SGCD: variants seen among roughly 807,000 people sequenced by gnomAD.
SGCD encodes sarcoglycan delta.
SGCD carries 18 observed loss-of-function variants against 36.6 expected under a neutral mutation model. The ratio of observed to expected loss-of-function variants is 0.49; its 90% CI spans 0.34 to 0.73. The LOEUF (loss-of-function observed/expected upper bound fraction) is 0.73. SGCD is among the 30% of genes least tolerant of loss of function. The pLI, the probability that SGCD is intolerant of heterozygous loss-of-function variation, is 0.01. For missense variants in SGCD, 387 were observed against 346.7 expected (o/e 1.12, Z -0.92); for synonymous variants, 133 against 130.6 (o/e 1.02, Z -0.12).
rs543341175 is a variant in SGCD at position 156,351,292 on chromosome 5, G to A, written c.192+6615G>A. On this transcript the variant is annotated intron_variant, in intron 3 of 8. Transcript: ENST00000337851. Reference sequence around the variant, plus strand: ...GACCCAGTGAGTTAATTCATGTGAAGCATTATTAGCAGAATCTGACACATA... The same window carrying A: ...GACCCAGTGAGTTAATTCATGTGAAACATTATTAGCAGAATCTGACACATA... Among the ~76,000 whole-genome samples the A allele has an allele frequency of 2.9e-4, 44 of 152,224 alleles. No homozygotes were observed. In the South Asian group the frequency reaches 8.3e-3, roughly 29 times the overall value.
At chr5:156,456,073 C>T (rs1159313873) in intron 3 of SGCD, among the ~76,000 whole-genome samples, 2 of 152,306 alleles carry the variant, frequency 1.3e-5, no homozygotes, top group South Asian at 2.1e-4. Context: ...TCGAGCTACC[C>T]AGTTTGTATT....
At chr5:156,433,356 A>G (rs1221855189) in intron 3 of SGCD, among the ~76,000 whole-genome samples, 1 of 152,140 alleles carries the variant, frequency 6.6e-6, no homozygotes, top group African/African-American at 2.4e-5. Context: ...CACATGCTCT[A>G]CTGCCTTCCC....
intron 1 of SGCD, among the ~76,000 whole-genome samples, chr5:156,014,929 G>A (rs970348912): frequency 2.6e-5 from 4 of 152,130 alleles, no homozygotes; most frequent in Admixed American, 6.5e-5. Context: ...CCATGTAAGC[G>A]ATGCTATGTT....
the SGCD span, among the ~76,000 whole-genome samples, chr5:155,808,656 G>A: frequency 2.0e-5 from 3 of 152,170 alleles, no homozygotes; most frequent in Admixed American, 2.0e-4. Flanking sequence ...ATGTAAATAT[G>A]AAATAAACTT....
At chr5:156,443,851 G>A (rs1257444569) in intron 3 of SGCD, among the ~76,000 whole-genome samples, 1 of 152,126 alleles carries the variant, frequency 6.6e-6, no homozygotes, top group Non-Finnish European at 1.5e-5. Context: ...CTGTGGGCAA[G>A]GGACAGGGGA....
intron 1 of SGCD, among the ~76,000 whole-genome samples, chr5:155,928,090 T>C (rs1258074406): frequency 6.6e-6 from 1 of 152,226 alleles, no homozygotes; most frequent in Non-Finnish European, 1.5e-5. Context: ...GTGAATAATT[T>C]GTACTGTTCC....
chr5:156,713,418 G>A (rs469373), intron 7 of SGCD, among the ~76,000 whole-genome samples: 5 of 144,344 alleles, frequency 3.5e-5, no homozygotes, highest in African/African-American at 1.3e-4. Flanking sequence ...GTCGGGGGGG[G>A]CGTTATAGGA....
intron 3 of SGCD, among the ~76,000 whole-genome samples, chr5:156,302,911 T>C (rs1055775673): frequency 1.4e-4 from 21 of 152,160 alleles, no homozygotes; most frequent in African/African-American, 4.8e-4. Flanking sequence ...TTGTGCTGGG[T>C]CAGACCCAAA....
the SGCD span, among the ~76,000 whole-genome samples, chr5:155,743,368 A>T: frequency 1.1e-4 from 16 of 152,186 alleles, no homozygotes; most frequent in Non-Finnish European, 1.5e-5. Flanking sequence ...TATTACAACA[A>T]AAGATTCTTC....
chr5:156,035,109 C>T (rs1040108398), intron 1 of SGCD, among the ~76,000 whole-genome samples: 3 of 152,144 alleles, frequency 2.0e-5, no homozygotes, highest in African/African-American at 7.2e-5. Flanking sequence ...GGAATCAAGG[C>T]TCTTCAAAGG....
chr5:155,864,839 A>G, the SGCD span, among the ~76,000 whole-genome samples: 1 of 152,222 alleles, frequency 6.6e-6, no homozygotes, highest in African/African-American at 2.4e-5. Flanking sequence ...TGCTTATCTT[A>G]GGAAAAATAG....
At chr5:156,417,405 G>A (rs1164715787) in intron 3 of SGCD, among the ~76,000 whole-genome samples, 2 of 152,122 alleles carry the variant, frequency 1.3e-5, no homozygotes, top group Non-Finnish European at 2.9e-5. Flanking sequence ...ATACCTCACA[G>A]GTAAATGGAT....
intron 1 of SGCD, among the ~76,000 whole-genome samples, chr5:155,966,967 GTA>G (rs1324360646): frequency 6.7e-6 from 1 of 149,614 alleles, no homozygotes; most frequent in East Asian, 1.9e-4. Flanking sequence ...GTATGTGTGT[GTA>G]TGTGTATGTG....
intron 4 of SGCD, among the ~76,000 whole-genome samples, chr5:156,577,823 C>T (rs1295617498): frequency 6.6e-6 from 1 of 152,166 alleles, no homozygotes; most frequent in Non-Finnish European, 1.5e-5. Context: ...TGGGCTGAGG[C>T]AATGGGGTTT....
At chr5:156,632,796 G>A (rs1258210966) in intron 6 of SGCD, among the ~76,000 whole-genome samples, 3 of 152,156 alleles carry the variant, frequency 2.0e-5, no homozygotes, top group Non-Finnish European at 2.9e-5. Flanking sequence ...AGCTACTATG[G>A]CACGTGTACC....
intron 3 of SGCD, among the ~76,000 whole-genome samples, chr5:156,202,720 G>A (rs1356619870): frequency 6.8e-6 from 1 of 147,328 alleles, no homozygotes; most frequent in Non-Finnish European, 1.5e-5. Flanking sequence ...TACTCAGTGT[G>A]TTCATGAAAA....
At chr5:156,106,343 A>G (rs1761648673) in intron 1 of SGCD, among the ~76,000 whole-genome samples, 1 of 152,094 alleles carries the variant, frequency 6.6e-6, no homozygotes, top group Non-Finnish European at 1.5e-5. Context: ...GTAGTGAAGG[A>G]AAAACAGGAC....
chr5:156,169,294 C>T (rs1421984462), intron 3 of SGCD, among the ~76,000 whole-genome samples: 1 of 152,170 alleles, frequency 6.6e-6, no homozygotes, highest in Non-Finnish European at 1.5e-5. Context: ...GCTCTCTGAT[C>T]CCAGGTTAGT....
chr5:156,205,171 C>A (rs547122102), intron 3 of SGCD, among the ~76,000 whole-genome samples: 2 of 152,174 alleles, frequency 1.3e-5, no homozygotes, highest in Admixed American at 6.5e-5. Context: ...GACACCCAGA[C>A]TTCCTCTGCT....
Sources: allele counts gnomAD v4.1 joint callset (sites outside exome capture counted in the v4.1 genomes callset), GRCh38; gene constraint gnomAD v4.1.1; transcripts MANE v1.5; gene names NCBI Gene and HGNC (gene_info 2026-07-23, HGNC 2026-07-21).